The following SGCD variants were observed in gnomAD, a reference collection of about 807,000 sequenced individuals.
The protein encoded by SGCD is delta-sarcoglycan.
A neutral mutation model predicts 36.6 loss-of-function variants in SGCD; 18 were observed. The ratio of observed to expected loss-of-function variants is 0.49; its 90% confidence interval spans 0.34 to 0.73. The LOEUF is 0.73. SGCD is among the 30% of genes least tolerant of loss of function. The pLI, the probability that SGCD is intolerant of heterozygous loss-of-function variation, is 0.01. For missense variants in SGCD, 387 were observed against 346.7 expected (o/e 1.12, Z -0.92); for synonymous variants, 133 against 130.6 (o/e 1.02, Z -0.12).
At chr5:156,222,669 T>C (rs1274473631) in intron 3 of SGCD, among the ~76,000 whole-genome samples, 2 of 152,094 alleles carry the variant, frequency 1.3e-5, no homozygotes, top group Non-Finnish European at 2.9e-5. Flanking sequence ...AAAACCTACA[T>C]CTTGAGGGTT....
chr5:156,288,451 T>A (rs911102667), intron 3 of SGCD, among the ~76,000 whole-genome samples: 1 of 152,198 alleles, frequency 6.6e-6, no homozygotes, highest in East Asian at 1.9e-4. Context: ...CTATTCTGAA[T>A]GTTTATGTTT....
chr5:156,239,645 C>T (rs1765259595), intron 3 of SGCD, among the ~76,000 whole-genome samples: 1 of 152,088 alleles, frequency 6.6e-6, no homozygotes, highest in Non-Finnish European at 1.5e-5. Context: ...AATGAAGGCA[C>T]TGAAATTAGT....
the SGCD span, among the ~76,000 whole-genome samples, chr5:155,749,278 T>G: frequency 6.6e-6 from 1 of 152,138 alleles, no homozygotes; most frequent in African/African-American, 2.4e-5. Context: ...TGGAGATGTA[T>G]CAATTACTAA....
chr5:156,239,021 C>T (rs1046429362), intron 3 of SGCD, among the ~76,000 whole-genome samples: 10 of 151,984 alleles, frequency 6.6e-5, no homozygotes, highest in African/African-American at 2.4e-4. Context: ...AAAAGTGGGG[C>T]TTTCTTTGGG....
intron 3 of SGCD, among the ~76,000 whole-genome samples, chr5:156,485,108 C>T (rs746038513): frequency 2.6e-5 from 4 of 152,000 alleles, no homozygotes; most frequent in Non-Finnish European, 5.9e-5. Flanking sequence ...AGGTACTCTT[C>T]AGGACATTCT....
At chr5:156,151,636 A>T (rs1346056190) in intron 3 of SGCD, among the ~76,000 whole-genome samples, 1 of 151,510 alleles carries the variant, frequency 6.6e-6, no homozygotes, top group Non-Finnish European at 1.5e-5. Context: ...GAGCACCAAG[A>T]TACTGCCTAG....
At chr5:155,976,158 T>C (rs1407373601) in intron 1 of SGCD, among the ~76,000 whole-genome samples, 1 of 152,176 alleles carries the variant, frequency 6.6e-6, no homozygotes, top group Non-Finnish European at 1.5e-5. Flanking sequence ...TTCAGAATAA[T>C]GGTTACTTCT....
At chr5:156,437,541 T>A (rs1336310001) in intron 3 of SGCD, among the ~76,000 whole-genome samples, 1 of 152,170 alleles carries the variant, frequency 6.6e-6, no homozygotes, top group African/African-American at 2.4e-5. Context: ...TTTGTAGGTT[T>A]GGCAAATGTT....
chr5:156,704,910 G>C (rs1410317023), intron 7 of SGCD, among the ~76,000 whole-genome samples: 1 of 148,754 alleles, frequency 6.7e-6, no homozygotes, highest in East Asian at 2.0e-4. Context: ...AAAAAAAAAA[G>C]AAAGACTTTC....
At chr5:156,644,306 T>C (rs1256358199) in intron 6 of SGCD, among the ~76,000 whole-genome samples, 1 of 152,160 alleles carries the variant, frequency 6.6e-6, no homozygotes, top group Non-Finnish European at 1.5e-5. Context: ...TTTCTTTCAG[T>C]ATTTAGTCCA....
At chr5:155,853,905 A>G in the SGCD span, among the ~76,000 whole-genome samples, 1 of 152,162 alleles carries the variant, frequency 6.6e-6, no homozygotes, top group Non-Finnish European at 1.5e-5. Flanking sequence ...GGCTTTGTTG[A>G]TGGCTTGTTG....
chr5:156,670,921 G>C (rs567505571), intron 7 of SGCD, among the ~76,000 whole-genome samples: 3 of 152,106 alleles, frequency 2.0e-5, no homozygotes, highest in African/African-American at 7.2e-5. Flanking sequence ...GCCATTGGTC[G>C]AGTCATCTCC....
chr5:156,365,613 T>C (rs1770054555), intron 3 of SGCD, among the ~76,000 whole-genome samples: 1 of 152,216 alleles, frequency 6.6e-6, no homozygotes, highest in Non-Finnish European at 1.5e-5. Context: ...CATACATGTA[T>C]GTATACACAT....
chr5:156,505,616 C>T (rs146032407), intron 3 of SGCD, among the ~76,000 whole-genome samples: 103 of 152,322 alleles, frequency 6.8e-4, no homozygotes, highest in African/African-American at 2.3e-3. Context: ...TCAGTGGATG[C>T]TGGCAACGTA....
At chr5:156,285,161 A>T (rs1766559492) in intron 3 of SGCD, among the ~76,000 whole-genome samples, 1 of 152,212 alleles carries the variant, frequency 6.6e-6, no homozygotes. Context: ...CCACTGCTCA[A>T]TGAAATAAAA....
chr5:156,010,479 A>G (rs1758836553), intron 1 of SGCD, among the ~76,000 whole-genome samples: 1 of 152,206 alleles, frequency 6.6e-6, no homozygotes, highest in South Asian at 2.1e-4. Flanking sequence ...TTGTTACTCA[A>G]TGCACAATCA....
the SGCD span, among the ~76,000 whole-genome samples, chr5:155,857,301 T>C: frequency 6.6e-6 from 1 of 152,206 alleles, no homozygotes. Flanking sequence ...TCAACTCCTG[T>C]TTACCAAAAG....
At chr5:155,739,831 ATCATC>A in the SGCD span, among the ~76,000 whole-genome samples, 1 of 152,146 alleles carries the variant, frequency 6.6e-6, no homozygotes, top group African/African-American at 2.4e-5. Context: ...GAATTTCCAT[ATCATC>A]TCAAGTAGGA....
intron 3 of SGCD, among the ~76,000 whole-genome samples, chr5:156,409,251 A>C (rs536866541): frequency 4.3e-4 from 65 of 151,940 alleles, no homozygotes; most frequent in African/African-American, 1.4e-3. Flanking sequence ...TCCTTTCCTT[A>C]ATTTCCAAAT....
Sources: gnomAD v4.1 joint callset for allele counts (sites outside exome capture counted in the v4.1 genomes callset) on GRCh38, gnomAD v4.1.1 for gene constraint, MANE v1.5 for transcripts, NCBI Gene and HGNC (gene_info 2026-07-23, HGNC 2026-07-21) for gene names.